Variants in AK4 observed in about 807,000 individuals in gnomAD.
AK4 encodes the protein adenylate kinase 4, mitochondrial.
In AK4, 13 loss-of-function variants were observed where a neutral mutation model predicts 24.6. The observed-to-expected ratio is 0.53, with a 90% CI of 0.34 to 0.84. The LOEUF (loss-of-function observed/expected upper bound fraction) is 0.84, where lower values mean the gene tolerates loss of function less well. Among genes scored for constraint, AK4 ranks in the 40% least tolerant of loss-of-function variants. The pLI, the probability that AK4 is intolerant of heterozygous loss-of-function variation, is 0.01. For synonymous variants in AK4, 88 were observed against 107.0 expected (o/e 0.82, Z 1.10); for missense variants, 192 against 288.2 (o/e 0.67, Z 2.42).
At chr1:65,176,519 G>A (rs1441049345) in intron 1 of AK4, among the ~76,000 whole-genome samples, 1 of 152,076 alleles carries the variant, frequency 6.6e-6, no homozygotes, top group Non-Finnish European at 1.5e-5. Context: ...AGTTGATTTC[G>A]CTGCCCGTGA....
Position 65,176,268 on chromosome 1 carries a change from C to G in AK4, c.146-14442C>G, listed in dbSNP as rs1211716521. On this transcript the variant is annotated intron_variant, in intron 1 of 4. Transcript: ENST00000327299. ...TTGTCCATGCATCTTTTTATCTTGG[C>G]TATTATAGAAGCATACCCACTGCCA... Among the ~76,000 whole-genome samples the G allele has an allele frequency of 6.6e-5, 10 of 152,116 alleles. No individual in the cohort carries two copies. In the East Asian group the frequency reaches 1.4e-3, roughly 21 times the overall value.
At chr1:65,200,470 C>T (rs1651629274) in intron 2 of AK4, among the ~76,000 whole-genome samples, 1 of 152,120 alleles carries the variant, frequency 6.6e-6, no homozygotes, top group Admixed American at 6.5e-5. Context: ...GGAAATACCA[C>T]TATTCAGTGG....
At chr1:65,161,490 G>A (rs1650162882) in intron 1 of AK4, among the ~76,000 whole-genome samples, 1 of 152,160 alleles carries the variant, frequency 6.6e-6, no homozygotes, top group Admixed American at 6.5e-5. Context: ...CCTTTTGCCT[G>A]TAATGCCTTT....
chr1:65,209,106 TTGAA>T (rs1195475872), intron 2 of AK4, among the ~76,000 whole-genome samples: 4 of 152,226 alleles, frequency 2.6e-5, no homozygotes, highest in Non-Finnish European at 4.4e-5. Flanking sequence ...GATTGGCTGT[TTGAA>T]TGAAAAGAGT....
chr1:65,217,865 T>C (rs10889528), intron 2 of AK4, among the ~76,000 whole-genome samples: 42,305 of 152,108 alleles, frequency 0.28, 6,754 homozygotes, highest in East Asian at 0.69. Flanking sequence ...TAAAACAATT[T>C]CAAATTTTTT....
chr1:65,221,310 GGA>G (rs961019813), intron 3 of AK4, among the ~76,000 whole-genome samples: 9 of 152,116 alleles, frequency 5.9e-5, no homozygotes, highest in African/African-American at 2.2e-4. Context: ...GGATATAGAT[GGA>G]GTCAGTAATT....
At chr1:65,156,434 A>G (rs1371372308) in intron 1 of AK4, among the ~76,000 whole-genome samples, 1 of 152,212 alleles carries the variant, frequency 6.6e-6, no homozygotes, top group Non-Finnish European at 1.5e-5. Flanking sequence ...GGTTTCCATC[A>G]GCATGTATCA....
At chr1:65,172,063 G>GTATGTATATATATATATATA (rs1650545108) in intron 1 of AK4, among the ~76,000 whole-genome samples, 1 of 65,746 alleles carries the variant, frequency 1.5e-5, no homozygotes, top group Non-Finnish European at 3.9e-5. Flanking sequence ...TCCATCTCAA[G>GTATGTATATATATATATATA]TATATATATA....
intron 2 of AK4, among the ~76,000 whole-genome samples, chr1:65,201,209 T>G (rs929360707): frequency 5.3e-5 from 8 of 152,224 alleles, no homozygotes; most frequent in Non-Finnish European, 7.3e-5. Flanking sequence ...TTCTGCACCC[T>G]TGCTGTCAAT....
intron 2 of AK4, among the ~76,000 whole-genome samples, chr1:65,192,905 T>C (rs1053879345): frequency 4.6e-5 from 7 of 152,136 alleles, no homozygotes; most frequent in Non-Finnish European, 8.8e-5. Context: ...GGGATGGGAG[T>C]TGGGCTTCCA....
chr1:65,220,801 G>A (rs1652272957), intron 3 of AK4, among the ~76,000 whole-genome samples: 1 of 152,164 alleles, frequency 6.6e-6, no homozygotes. Flanking sequence ...AATGAGAAGT[G>A]CAAACAGCAG....
intron 2 of AK4, among the ~76,000 whole-genome samples, chr1:65,197,455 G>A (rs1463835955): frequency 6.6e-6 from 1 of 152,154 alleles, no homozygotes; most frequent in African/African-American, 2.4e-5. Context: ...TGGTAATAAT[G>A]ATAACCTTTA....
At chr1:65,184,499 T>A (rs548737237) in intron 1 of AK4, among the ~76,000 whole-genome samples, 2 of 152,366 alleles carry the variant, frequency 1.3e-5, no homozygotes, top group South Asian at 4.1e-4. Context: ...TTACATTTAT[T>A]TGAAACCTTC....
intron 2 of AK4, among the ~76,000 whole-genome samples, chr1:65,214,327 TCTTGAA>T (rs1474409177): frequency 6.6e-6 from 1 of 152,102 alleles, no homozygotes; most frequent in Non-Finnish European, 1.5e-5. Flanking sequence ...GCCAGGCTGG[TCTTGAA>T]CTCCTGACCG....
intron 1 of AK4, among the ~76,000 whole-genome samples, chr1:65,183,206 C>G (rs1438394686): frequency 6.6e-6 from 1 of 151,906 alleles, no homozygotes; most frequent in Non-Finnish European, 1.5e-5. Flanking sequence ...CAAAATCAGC[C>G]TTTTGTATTT....
At chr1:65,150,298 A>G (rs373247399) in intron 1 of AK4, among the ~76,000 whole-genome samples, 4 of 107,366 alleles carry the variant, frequency 3.7e-5, no homozygotes, top group African/African-American at 1.2e-4. Context: ...TTTTTTTTTT[A>G]ACTTTCCTGT....
intron 1 of AK4, among the ~76,000 whole-genome samples, chr1:65,172,836 C>A (rs939625551): frequency 1.3e-5 from 2 of 150,792 alleles, no homozygotes; most frequent in African/African-American, 4.9e-5. Context: ...TACTTCTGGG[C>A]CATCTTGGCC....
At position 65,152,316 on chromosome 1, in the gene AK4, ATCTCTCTCTCTCTCTCTC is replaced by A. The variant is rs1158775260; in HGVS notation, c.145+3792_145+3809del. ...GAACAAACCTGTTTCTGCACTTGCT[ATCTCTCTCTCTCTCTCTC>A]TCTCTCTCTCTCTCTCTCTCTCTCT... is the stretch of plus-strand genomic sequence containing the variant. On this transcript the variant is annotated intron_variant, in intron 1 of 4. Coordinates refer to ENST00000327299, the MANE Select transcript of AK4 (RefSeq NM_013410.4). Among the ~76,000 whole-genome samples, 18 of 32,500 alleles carry A rather than the reference ATCTCTCTCTCTCTCTCTC, an allele frequency of 5.5e-4. 1 individual carries two copies. The highest frequency in any genetic ancestry group is 4.1e-3 in the South Asian group (2 of 490). 21.3% of individuals were successfully genotyped at this position (32,500 alleles called of 152,430 possible). A position where few individuals can be genotyped will look rare whatever the true frequency, so the allele number is the denominator to read the frequency against.
At chr1:65,158,773 C>T (rs371118515) in intron 1 of AK4, among the ~76,000 whole-genome samples, 18 of 152,216 alleles carry the variant, frequency 1.2e-4, no homozygotes, top group African/African-American at 4.3e-4. Flanking sequence ...TCCCAAAGTG[C>T]TGGGATTACA....
Sources: allele counts gnomAD v4.1 joint callset (sites outside exome capture counted in the v4.1 genomes callset), GRCh38; gene constraint gnomAD v4.1.1; transcripts MANE v1.5; gene names NCBI Gene and HGNC (gene_info 2026-07-23, HGNC 2026-07-21).